The following MINDY4 variants were observed in gnomAD, a reference collection of about 807,000 sequenced individuals.
MINDY4 encodes the protein MINDY lysine 48 deubiquitinase 4, also known as probable ubiquitin carboxyl-terminal hydrolase MINDY-4.
MINDY4 carries 68 observed loss-of-function variants against 87.0 expected under a neutral mutation model. That is an observed-to-expected ratio of 0.78 (90% confidence interval 0.64 to 0.96). MINDY4 has a LOEUF of 0.96. MINDY4 is among the 40% of genes least tolerant of loss of function. The pLI is 0.00. For synonymous variants in MINDY4, 379 were observed against 363.2 expected (o/e 1.04, Z -0.50); for missense variants, 919 against 928.2 (o/e 0.99, Z 0.13).
At chr7:30,862,786 A>T (rs1476028074) in intron 13 of MINDY4, among the ~76,000 whole-genome samples, 1 of 152,224 alleles carries the variant, frequency 6.6e-6, no homozygotes, top group African/African-American at 2.4e-5. Context: ...AGTCACCCAC[A>T]GCCGTGTGGC....
In MINDY4 at chr7:30,853,399, G is replaced by A. The variant is rs754685088; in HGVS notation, c.1617G>A (p.Thr539=). ...YKADGVLETL[T]LHSLTCYEDL... ...GAGTGTTTGTGTCTTCTCAGCTTAC[G>A]CTTCACAGTTTGACCTGCTATGAGG... is the stretch of plus-strand genomic sequence containing the variant. Residue 539 remains threonine, a synonymous_variant, in exon 12 of 18, where the codon ACG becomes ACA. Coordinates refer to ENST00000265299, the MANE Select transcript of MINDY4 (RefSeq NM_032222.3). The A allele has an allele frequency of 2.4e-5, 38 of 1,613,356 alleles. No individual in the cohort carries two copies. The highest frequency in any genetic ancestry group is 2.7e-5 in the Non-Finnish European group (32 of 1,179,672).
chr7:30,795,273 C>T (rs1787453541), intron 5 of MINDY4, among the ~76,000 whole-genome samples: 1 of 152,230 alleles, frequency 6.6e-6, no homozygotes, highest in Non-Finnish European at 1.5e-5. Flanking sequence ...GTTCCAGCCA[C>T]TTACTTGCTC....
intron 5 of MINDY4, among the ~76,000 whole-genome samples, chr7:30,818,003 A>T (rs1361532752): frequency 1.3e-5 from 2 of 152,138 alleles, no homozygotes; most frequent in Non-Finnish European, 1.5e-5. Flanking sequence ...TATGTGTGGG[A>T]TGCTGGACAT....
intron 4 of MINDY4, among the ~76,000 whole-genome samples, chr7:30,789,142 G>C (rs1461364507): frequency 7.2e-6 from 1 of 138,316 alleles, no homozygotes; most frequent in Non-Finnish European, 1.6e-5. Context: ...GGGACTCTTA[G>C]GGGTTGGTGG....
chr7:30,813,218 T>C (rs1051400124), intron 5 of MINDY4, among the ~76,000 whole-genome samples: 2 of 152,210 alleles, frequency 1.3e-5, no homozygotes, highest in Non-Finnish European at 2.9e-5. Context: ...CTGTAGAAGA[T>C]TCATCGTCAG....
intron 5 of MINDY4, among the ~76,000 whole-genome samples, chr7:30,795,742 T>C (rs1276678801): frequency 6.6e-6 from 1 of 152,202 alleles, no homozygotes; most frequent in African/African-American, 2.4e-5. Context: ...CTGGAGCCTC[T>C]AGGGGAGAAT....
Position 30,883,005 on chromosome 7 carries a change from C to G in MINDY4, c.2225+12C>G. 6.2e-7 allele frequency: 1 copy of G among 1,613,374 alleles called. No individual in the cohort carries two copies. The highest frequency in any genetic ancestry group is 8.5e-7 in the Non-Finnish European group (1 of 1,179,504). On this transcript the variant is annotated intron_variant, in intron 17 of 17. Transcript: ENST00000265299. ...TGCATCAGAACCAAGTGAGTCAAGC[C>G]CCTCTCTGGCTTTGAGCCTCACCCT...
intron 5 of MINDY4, among the ~76,000 whole-genome samples, chr7:30,807,667 GA>G (rs1373933832): frequency 1.3e-5 from 2 of 152,166 alleles, no homozygotes; most frequent in Non-Finnish European, 2.9e-5. Context: ...GTTAAAGATT[GA>G]CCCCTGACCT....
intron 5 of MINDY4, among the ~76,000 whole-genome samples, chr7:30,826,700 AT>A (rs1241021406): frequency 6.6e-6 from 1 of 152,214 alleles, no homozygotes; most frequent in African/African-American, 2.4e-5. Context: ...CTGGGTTTAA[AT>A]TCCTGTGCTG....
chr7:30,789,657 G>T (rs1787261946), intron 4 of MINDY4, among the ~76,000 whole-genome samples: 1 of 152,150 alleles, frequency 6.6e-6, no homozygotes, highest in African/African-American at 2.4e-5. Context: ...GAGGTTTATA[G>T]TGCTTAGTAA....
chr7:30,864,313 T>C (rs550794425), intron 13 of MINDY4, among the ~76,000 whole-genome samples: 1 of 152,340 alleles, frequency 6.6e-6, no homozygotes, highest in South Asian at 2.1e-4. Flanking sequence ...ACAAAATAGT[T>C]GATTCCTTTG....
chr7:30,850,001 T>G (rs6957048), intron 9 of MINDY4, among the ~76,000 whole-genome samples: 40,003 of 152,170 alleles, frequency 0.26, 6,832 homozygotes, highest in African/African-American at 0.47. Context: ...TGGCAGTGAA[T>G]AGCACCTGCC....
chr7:30,808,045 A>G (rs1230297939), intron 5 of MINDY4, among the ~76,000 whole-genome samples: 1 of 152,216 alleles, frequency 6.6e-6, no homozygotes, highest in Non-Finnish European at 1.5e-5. Context: ...CGGTCAAGGC[A>G]GCCCCTTAGG....
intron 5 of MINDY4, among the ~76,000 whole-genome samples, chr7:30,826,623 G>A (rs769541356): frequency 6.6e-6 from 1 of 152,144 alleles, no homozygotes; most frequent in Non-Finnish European, 1.5e-5. Context: ...TACCTTCATG[G>A]GCCTGGATTT....
chr7:30,826,014 C>G (rs1414910213), intron 5 of MINDY4, among the ~76,000 whole-genome samples: 1 of 152,196 alleles, frequency 6.6e-6, no homozygotes, highest in East Asian at 1.9e-4. Context: ...CTTGTAGCTC[C>G]TTCCTGTCTG....
At chr7:30,874,072 C>T (rs1192024040) in intron 14 of MINDY4, among the ~76,000 whole-genome samples, 1 of 152,252 alleles carries the variant, frequency 6.6e-6, no homozygotes, top group Non-Finnish European at 1.5e-5. Context: ...CCTCTATAAA[C>T]TCTACCCTCC....
chr7:30,860,267 G>A (rs1178118647), intron 13 of MINDY4, among the ~76,000 whole-genome samples: 2 of 152,140 alleles, frequency 1.3e-5, no homozygotes, highest in Non-Finnish European at 2.9e-5. Flanking sequence ...GGGTCTGGTC[G>A]GCGCCCTCCC....
rs571781060 is a variant in MINDY4, at chr7:30,835,839, T to G, written c.1133-819T>G. Reference sequence around the variant, plus strand: ...TCCTTTATCACTGTGTTCTGGTGAATGCAGCGGCAGCAGGTGTAATGACAA... The same window carrying G: ...TCCTTTATCACTGTGTTCTGGTGAAGGCAGCGGCAGCAGGTGTAATGACAA... On this transcript the variant is annotated intron_variant, in intron 6 of 17. Coordinates refer to ENST00000265299, the MANE Select transcript of MINDY4 (RefSeq NM_032222.3). Among the ~76,000 whole-genome samples, 12 of 152,352 alleles carry G rather than the reference T, an allele frequency of 7.9e-5. No homozygotes were observed. The South Asian group carries it at 2.5e-3, about 32-fold the overall frequency.
chr7:30,837,574 C>G (rs1164212943), intron 7 of MINDY4, among the ~76,000 whole-genome samples: 1 of 152,206 alleles, frequency 6.6e-6, no homozygotes, highest in African/African-American at 2.4e-5. Context: ...TCCATTCTCT[C>G]TTTTGAAGCT....
Sources: allele counts gnomAD v4.1 joint callset (sites outside exome capture counted in the v4.1 genomes callset), GRCh38; gene constraint gnomAD v4.1.1; transcripts MANE v1.5; gene names NCBI Gene and HGNC (gene_info 2026-07-23, HGNC 2026-07-21).